The following TENM2 variants were observed in gnomAD, a reference collection of about 807,000 sequenced individuals.
TENM2 encodes the protein teneurin-2.
Under a neutral mutation model 245.2 loss-of-function variants are expected in TENM2, and 52 were observed. That is an observed-to-expected ratio of 0.21 (90% confidence interval 0.17 to 0.27). The LOEUF (loss-of-function observed/expected upper bound fraction) is 0.27. Ranked by LOEUF, TENM2 falls within the 10% of genes least tolerant of loss-of-function variation. The pLI is 1.00. For missense variants in TENM2, 3,046 were observed against 3,666.8 expected (o/e 0.83, Z 4.37); for synonymous variants, 1,363 against 1,438.9 (o/e 0.95, Z 1.19).
chr5:167,914,169 G>A (rs1026555081), intron 3 of TENM2, among the ~76,000 whole-genome samples: 4 of 152,180 alleles, frequency 2.6e-5, no homozygotes, highest in African/African-American at 9.6e-5. Context: ...TTACTTCCCT[G>A]CAATAGTTTT....
chr5:168,100,474 G>A (rs912690286), intron 9 of TENM2, among the ~76,000 whole-genome samples: 4 of 152,128 alleles, frequency 2.6e-5, no homozygotes, highest in African/African-American at 7.2e-5. Flanking sequence ...GCAAAGACTT[G>A]GAACCAACCC....
At chr5:167,075,857 CCTACAAGGCTT>C in the TENM2 span, among the ~76,000 whole-genome samples, 1 of 152,130 alleles carries the variant, frequency 6.6e-6, no homozygotes, top group African/African-American at 2.4e-5. Flanking sequence ...GCAAAAGGGC[CCTACAAGGCTT>C]CTGCCCTCTG....
At chr5:168,062,948 G>A (rs1431941334) in intron 7 of TENM2, among the ~76,000 whole-genome samples, 4 of 152,144 alleles carry the variant, frequency 2.6e-5, no homozygotes, top group Non-Finnish European at 4.4e-5. Flanking sequence ...ACCCAACATA[G>A]TGAATACACT....
At chr5:167,556,687 A>G (rs1773281470) in intron 2 of TENM2, among the ~76,000 whole-genome samples, 1 of 152,088 alleles carries the variant, frequency 6.6e-6, no homozygotes, top group Non-Finnish European at 1.5e-5. Context: ...GCTCGCTTAG[A>G]CCACCCTTGA....
At chr5:167,732,683 G>T (rs1760519406) in intron 2 of TENM2, among the ~76,000 whole-genome samples, 1 of 152,104 alleles carries the variant, frequency 6.6e-6, no homozygotes, top group Non-Finnish European at 1.5e-5. Flanking sequence ...ACTTTATTGT[G>T]CACGGATGAT....
chr5:167,846,542 T>C (rs533350043), intron 2 of TENM2, among the ~76,000 whole-genome samples: 6 of 152,322 alleles, frequency 3.9e-5, no homozygotes, highest in African/African-American at 1.4e-4. Context: ...TTTAGAATGC[T>C]CAGGTGTTGT....
chr5:167,117,288 C>T, the TENM2 span, among the ~76,000 whole-genome samples: 11 of 152,188 alleles, frequency 7.2e-5, no homozygotes, highest in South Asian at 4.2e-4. Context: ...TGGATCATGA[C>T]GTCAGGAGAT....
At chr5:167,181,539 G>A in the TENM2 span, among the ~76,000 whole-genome samples, 2 of 144,334 alleles carry the variant, frequency 1.4e-5, no homozygotes, top group African/African-American at 5.2e-5. Flanking sequence ...CCACCTTTAG[G>A]TCAACACATA....
chr5:167,352,263 G>C (rs571862554), intron 1 of TENM2, among the ~76,000 whole-genome samples: 11 of 152,100 alleles, frequency 7.2e-5, no homozygotes, highest in Non-Finnish European at 1.3e-4. Flanking sequence ...GGCCCCCACT[G>C]TTCCTTATTG....
chr5:167,390,299 C>A (rs1318083174), intron 2 of TENM2, among the ~76,000 whole-genome samples: 1 of 152,072 alleles, frequency 6.6e-6, no homozygotes, highest in Non-Finnish European at 1.5e-5. Flanking sequence ...AGTATGTCAG[C>A]TATTGTTTGG....
At chr5:167,255,519 C>T in the TENM2 span, among the ~76,000 whole-genome samples, 1 of 152,278 alleles carries the variant, frequency 6.6e-6, no homozygotes, top group East Asian at 1.9e-4. Context: ...GACAAGCCGA[C>T]TATAAACTCC....
chr5:168,216,832 C>T (rs1763238925), exon 22 of TENM2: 3 of 1,613,952 alleles, frequency 1.9e-6, no homozygotes, highest in South Asian at 2.2e-5. Flanking sequence ...GGAAGGTTGA[C>T]CAGAATGGAA....
At chr5:167,236,735 G>A in the TENM2 span, among the ~76,000 whole-genome samples, 1 of 152,154 alleles carries the variant, frequency 6.6e-6, no homozygotes, top group South Asian at 2.1e-4. Flanking sequence ...TTATGGAATT[G>A]GAAGCTCATG....
At chr5:167,002,834 G>T in the TENM2 span, among the ~76,000 whole-genome samples, 16 of 152,004 alleles carry the variant, frequency 1.1e-4, no homozygotes, top group Admixed American at 1.0e-3. Flanking sequence ...ATTATTTCAG[G>T]TAGGACTAGC....
chr5:168,067,467 C>T (rs560945999), intron 7 of TENM2, among the ~76,000 whole-genome samples: 1 of 152,174 alleles, frequency 6.6e-6, no homozygotes, highest in African/African-American at 2.4e-5. Context: ...GCCAACATTT[C>T]TATTTGTCCT....
chr5:167,134,353 T>G, the TENM2 span, among the ~76,000 whole-genome samples: 1 of 152,226 alleles, frequency 6.6e-6, no homozygotes, highest in Admixed American at 6.5e-5. Context: ...CAATGAATTT[T>G]GATTTTTTTG....
intron 2 of TENM2, among the ~76,000 whole-genome samples, chr5:167,520,756 C>G (rs919534392): frequency 6.6e-6 from 1 of 151,720 alleles, no homozygotes; most frequent in South Asian, 2.1e-4. Flanking sequence ...GCTGCTTCCT[C>G]CCTATTCCTG....
chr5:168,189,793 A>G (rs1760786475), intron 13 of TENM2, among the ~76,000 whole-genome samples: 1 of 152,150 alleles, frequency 6.6e-6, no homozygotes, highest in South Asian at 2.1e-4. Context: ...TTTCTAATAG[A>G]GACAGGGTCT....
chr5:167,780,311 C>T (rs527759102), intron 2 of TENM2, among the ~76,000 whole-genome samples: 1 of 152,338 alleles, frequency 6.6e-6, no homozygotes, highest in South Asian at 2.1e-4. Context: ...GCAGTGCTCT[C>T]ACAGTCATTT....
Sources: gnomAD v4.1 joint callset for allele counts (sites outside exome capture counted in the v4.1 genomes callset) on GRCh38, gnomAD v4.1.1 for gene constraint, MANE v1.5 for transcripts, NCBI Gene and HGNC (gene_info 2026-07-23, HGNC 2026-07-21) for gene names.